Variants in TGFBR3 observed in about 807,000 individuals in gnomAD.
TGFBR3 encodes the protein transforming growth factor beta receptor type 3.
Under a neutral mutation model 87.9 loss-of-function variants are expected in TGFBR3, and 46 were observed. That is an observed-to-expected ratio of 0.52 (90% CI 0.41 to 0.67). TGFBR3 has a LOEUF of 0.67. TGFBR3 is among the 30% of genes least tolerant of loss of function. TGFBR3 has a pLI of 0.00. For missense variants in TGFBR3, 866 were observed against 1,041.9 expected (o/e 0.83, Z 2.32); for synonymous variants, 381 against 391.6 (o/e 0.97, Z 0.32).
intron 1 of TGFBR3, among the ~76,000 whole-genome samples, chr1:91,871,921 GACTA>G (rs1678594864): frequency 6.6e-6 from 1 of 152,174 alleles, no homozygotes; most frequent in Non-Finnish European, 1.5e-5. Context: ...TTGTTATGAT[GACTA>G]ACTAAATTAA....
At chr1:91,788,318 C>T (rs1675051145) in intron 3 of TGFBR3, among the ~76,000 whole-genome samples, 1 of 152,106 alleles carries the variant, frequency 6.6e-6, no homozygotes, top group Admixed American at 6.5e-5. Context: ...AGGGTCTCCC[C>T]AGAGATTAGC....
intron 2 of TGFBR3, among the ~76,000 whole-genome samples, chr1:91,807,818 T>C (rs2101031499): frequency 6.6e-6 from 1 of 152,224 alleles, no homozygotes; most frequent in South Asian, 2.1e-4. Context: ...CACCGGGAAA[T>C]AGTGAACCAG....
intron 2 of TGFBR3, among the ~76,000 whole-genome samples, chr1:91,813,985 G>A (rs1169583607): frequency 6.6e-6 from 1 of 152,196 alleles, no homozygotes; most frequent in African/African-American, 2.4e-5. Flanking sequence ...ACACGAGGTG[G>A]AGCTTAGGCA....
At chr1:91,752,579 C>T (rs1245058188) in intron 4 of TGFBR3, among the ~76,000 whole-genome samples, 2 of 152,084 alleles carry the variant, frequency 1.3e-5, no homozygotes, top group African/African-American at 4.8e-5. Context: ...GTAAGCTGGC[C>T]AAGGCCTCTG....
intron 3 of TGFBR3, among the ~76,000 whole-genome samples, chr1:91,792,908 C>T (rs1052842123): frequency 2.6e-5 from 4 of 152,176 alleles, no homozygotes; most frequent in Non-Finnish European, 5.9e-5. Flanking sequence ...GTTTCCTGTT[C>T]GCTTCCAAGG....
At chr1:91,777,798 C>T (rs1260974417) in intron 3 of TGFBR3, among the ~76,000 whole-genome samples, 7 of 152,132 alleles carry the variant, frequency 4.6e-5, no homozygotes, top group East Asian at 1.9e-4. Flanking sequence ...GCACGGTGAC[C>T]GTGAGCTCCG....
chr1:91,874,601 G>A (rs1448413265), intron 1 of TGFBR3, among the ~76,000 whole-genome samples: 4 of 152,076 alleles, frequency 2.6e-5, no homozygotes, highest in East Asian at 3.9e-4. Context: ...GGGTTCAAGC[G>A]ATTCTCCTGC....
chr1:91,904,364 T>C (rs1679798391), intron 1 of TGFBR3, among the ~76,000 whole-genome samples: 1 of 151,586 alleles, frequency 6.6e-6, no homozygotes. Context: ...TCAGTTGTCT[T>C]TCTAATTTCA....
intron 16 of TGFBR3, among the ~76,000 whole-genome samples, chr1:91,692,969 G>T (rs1671315914): frequency 6.6e-6 from 1 of 152,218 alleles, no homozygotes; most frequent in African/African-American, 2.4e-5. Context: ...TATACGATCT[G>T]TGAGTTCCAC....
chr1:91,788,538 G>A (rs957952590), intron 3 of TGFBR3, among the ~76,000 whole-genome samples: 1 of 152,244 alleles, frequency 6.6e-6, no homozygotes, highest in Non-Finnish European at 1.5e-5. Flanking sequence ...CGTGGAAGGA[G>A]TGATTGAAGT....
intron 4 of TGFBR3, among the ~76,000 whole-genome samples, chr1:91,735,196 G>T (rs12069138): frequency 0.65 from 98,254 of 152,110 alleles, 32,296 homozygotes; most frequent in South Asian, 0.82. Flanking sequence ...AACCTTGTGA[G>T]GACGGACTGC....
At chr1:91,888,008 G>A (rs922165057), upstream of TGFBR3, among the ~76,000 whole-genome samples, 1 of 152,142 alleles carries the variant, frequency 6.6e-6, no homozygotes, top group Admixed American at 6.5e-5. Context: ...ATCTCGAATT[G>A]TAAGTCCCAC....
intron 3 of TGFBR3, among the ~76,000 whole-genome samples, chr1:91,772,544 T>C (rs1674420027): frequency 6.6e-6 from 1 of 152,196 alleles, no homozygotes; most frequent in Non-Finnish European, 1.5e-5. Context: ...TATCAATGAA[T>C]TAAGCAACTG....
chr1:91,797,590 CCA>C (rs1165870838), intron 2 of TGFBR3, 119 bp from the exon 3 acceptor site: 1 of 1,120,290 alleles, frequency 8.9e-7, no homozygotes, highest in African/African-American at 1.5e-5. Flanking sequence ...GTAAACTGTT[CCA>C]AGACTAAGTG....
chr1:91,820,546 C>CG (rs1676409632), intron 2 of TGFBR3, among the ~76,000 whole-genome samples: 1 of 151,916 alleles, frequency 6.6e-6, no homozygotes, highest in African/African-American at 2.4e-5. Flanking sequence ...ATTAGCTGGG[C>CG]GGGGTGGCGG....
Position 91,891,173 on chromosome 1 carries a change from G to A in TGFBR3, c.-114+8464C>T, listed in dbSNP as rs112991890. ...CAAAGTGCTGGGATTACAGGTGTGA[G>A]TCACTGAGCCTGGTCTCTCTTTTTT... On this transcript the variant is annotated intron_variant, in intron 2 of 17. Coordinates refer to the TGFBR3 transcript ENST00000370399. Among the ~76,000 whole-genome samples the A allele has an allele frequency of 4.6e-3, 698 of 151,484 alleles. 9 individuals carry two copies. The highest frequency in any genetic ancestry group is 0.016 in the African/African-American group (657 of 41,204).
chr1:91,758,899 A>G (rs1299420012), intron 3 of TGFBR3, 149 bp from the exon 4 acceptor site: 24 of 1,021,194 alleles, frequency 2.4e-5, no homozygotes, highest in Non-Finnish European at 3.4e-5. Context: ...AGATACATTA[A>G]GTTGAACCAG....
At chr1:91,905,459 G>A (rs1295603242) in intron 1 of TGFBR3, among the ~76,000 whole-genome samples, 2 of 152,148 alleles carry the variant, frequency 1.3e-5, no homozygotes, top group Admixed American at 6.6e-5. Context: ...TGAGGTAAGA[G>A]TCTCACTCTG....
chr1:91,795,135 C>T (rs539432573), intron 3 of TGFBR3, among the ~76,000 whole-genome samples: 7 of 152,302 alleles, frequency 4.6e-5, no homozygotes, highest in South Asian at 4.1e-4. Flanking sequence ...ATGTGAGCAA[C>T]GCAGAGCCAG....
Sources: gnomAD v4.1 joint callset for allele counts (sites outside exome capture counted in the v4.1 genomes callset) on GRCh38, gnomAD v4.1.1 for gene constraint, MANE v1.5 for transcripts, NCBI Gene and HGNC (gene_info 2026-07-23, HGNC 2026-07-21) for gene names.